DUS4L: variants seen among roughly 807,000 people sequenced by gnomAD.
DUS4L encodes the protein tRNA-dihydrouridine(20a/20b) synthase [NAD(P)+]-like.
A neutral mutation model predicts 33.8 loss-of-function variants in DUS4L; 31 were observed. That is an observed-to-expected ratio of 0.92 (90% CI 0.69 to 1.24). DUS4L has a LOEUF of 1.24. Ranked by LOEUF, DUS4L falls within the 50% of genes most tolerant of loss-of-function variation. DUS4L has a pLI of 0.00. For missense variants in DUS4L, 368 were observed against 388.6 expected (o/e 0.95, Z 0.45); for synonymous variants, 103 against 120.3 (o/e 0.86, Z 0.94).
chr7:107,577,493 G>C lies in DUS4L; in HGVS notation c.887G>C (p.Arg296Thr), dbSNP rs1299310324. The change falls in exon 8 of 8, where the codon AGG becomes ACG. Residue 296 changes from arginine (R) to threonine (T), a missense_variant. Coordinates refer to ENST00000265720, the MANE Select transcript of DUS4L (RefSeq NM_181581.3). ...MEKITSRQEK[R>T]VFNALSSTSA... is the part of the protein sequence containing the mutation. ...AAGATAACTTCAAGGCAGGAAAAAA[G>C]GGTATTTAATGCTCTGTCAAGCACA... is the stretch of plus-strand genomic sequence containing the variant. 2 of 1,614,008 alleles carry C rather than the reference G, an allele frequency of 1.2e-6. No individual in the cohort carries two copies. The highest frequency in any genetic ancestry group is 3.3e-5 in the Admixed American group (2 of 60,004).
Position 107,571,148 on chromosome 7 carries a change from G to A in DUS4L, c.120G>A (p.Leu40=). ...TTAAGGTTTTATATGCTCACAGGTT[G>A]GCTTTTAGGACACTAGTAAGAAAAT... ...VCAPMVRYSK[L]AFRTLVRKYS... Residue 40 remains leucine (L), a synonymous_variant, in exon 4 of 8, where the codon TTG becomes TTA. Transcript: ENST00000265720. The A allele has an allele frequency of 6.2e-7, 1 of 1,613,552 alleles. No individual in the cohort carries two copies. Among genetic ancestry groups the A allele is most frequent in the South Asian group, 1.1e-5 (1 of 90,946 alleles).
chr7:107,571,175 T>C lies in DUS4L; in HGVS notation c.147T>C (p.Tyr49=), dbSNP rs1187287553. 1.2e-6 allele frequency: 2 copies of C among 1,613,446 alleles called. No homozygotes were observed. Among genetic ancestry groups the C allele is most frequent in the Non-Finnish European group, 8.5e-7 (1 of 1,179,862 alleles). Residue 49 remains tyrosine (Y), a synonymous_variant, in exon 4 of 8, where the codon TAT becomes TAC. Coordinates refer to ENST00000265720, the MANE Select transcript of DUS4L (RefSeq NM_181581.3). ...CTTTTAGGACACTAGTAAGAAAATA[T>C]AGTTGTGATCTGTGTTACACACCAA... ...KLAFRTLVRK[Y]SCDLCYTPMI... is the part of the protein sequence containing the mutation.
In DUS4L at chr7:107,577,594, T is replaced by G; in HGVS notation, c.*34T>G. The G allele has an allele frequency of 6.3e-7, 1 of 1,588,604 alleles. No individual in the cohort carries two copies. The highest frequency in any genetic ancestry group is 8.6e-7 in the Non-Finnish European group (1 of 1,166,450). On this transcript the variant is annotated 3_prime_UTR_variant, in exon 8 of 8. Transcript: ENST00000265720. The stretch of plus-strand genomic sequence containing the variant: ...CCCAAATAATTTTAATATATACTTT[T>G]AGACCCACAGTGAAACCACAGAAGG...
chr7:107,573,862 G>A (rs1293891082), intron 5 of DUS4L, 41 bp downstream of exon 5: 1 of 1,442,464 alleles, frequency 6.9e-7, no homozygotes, highest in Non-Finnish European at 9.2e-7. Flanking sequence ...CAAAAGAGTA[G>A]AAAAAAAACT....
In DUS4L at chr7:107,573,750, TTTATC is replaced by T; in HGVS notation, c.287_291del (p.Leu96Ter). The T allele has an allele frequency of 6.2e-7, 1 of 1,611,640 alleles. No individual in the cohort carries two copies. The highest frequency in any genetic ancestry group is 8.5e-7 in the Non-Finnish European group (1 of 1,179,004). ...AGTTTGCTGCTAACGATGCAAGACT[TTTATC>T]TGATGCTGCTCGTATAGTCTGTCCT... On this transcript the variant is annotated frameshift_variant, in exon 5 of 8. Transcript: ENST00000265720. LOFTEE classifies it high-confidence loss of function.
intron 4 of DUS4L, among the ~76,000 whole-genome samples, chr7:107,572,025 T>C (rs1805284155): frequency 6.6e-6 from 1 of 152,078 alleles, no homozygotes; most frequent in Non-Finnish European, 1.5e-5. Context: ...ATCTTTTTTT[T>C]TTTTTTTGAT....
chr7:107,573,748 CT>C lies in DUS4L; in HGVS notation c.287del (p.Leu96TyrfsTer7). On this transcript the variant is annotated frameshift_variant, in exon 5 of 8. Coordinates refer to ENST00000265720, the MANE Select transcript of DUS4L (RefSeq NM_181581.3). LOFTEE classifies it high-confidence loss of function. ...TCAGTTTGCTGCTAACGATGCAAGACTTTTATCTGATGCTGCTCGTATAGTC... is the reference window on the plus strand; with the variant it reads ...TCAGTTTGCTGCTAACGATGCAAGACTTTATCTGATGCTGCTCGTATAGTC... ...IVQFAANDAR[L>X]LSDAARIVCP... 6.2e-7 allele frequency: 1 copy of C among 1,611,252 alleles called. No homozygotes were observed. Among genetic ancestry groups the C allele is most frequent in the Non-Finnish European group, 8.5e-7 (1 of 1,178,858 alleles).
Position 107,577,523 on chromosome 7 carries a change from C to T in DUS4L, c.917C>T (p.Ala306Val). 1.2e-6 allele frequency: 2 copies of T among 1,614,042 alleles called. No individual in the cohort carries two copies. The highest frequency in any genetic ancestry group is 1.7e-6 in the Non-Finnish European group (2 of 1,179,982). ...RVFNALSSTS[A>V]IIDYLTDHYG... The stretch of plus-strand genomic sequence containing the variant: ...TTTAATGCTCTGTCAAGCACATCAG[C>T]AATCATAGATTACCTTACAGACCAT... The change falls in exon 8 of 8, where the codon GCA (alanine) becomes GTA (valine). Residue 306 changes from alanine (A) to valine (V), a missense_variant. Transcript: ENST00000265720.
chr7:107,576,857 C>T (rs1273656863), intron 7 of DUS4L: 2 of 356,854 alleles, frequency 5.6e-6, no homozygotes, highest in South Asian at 5.6e-5. Context: ...AGATAGCCTA[C>T]TAGTAAAATA....
At chr7:107,572,987 C>A (rs920000941) in intron 4 of DUS4L, among the ~76,000 whole-genome samples, 1 of 151,766 alleles carries the variant, frequency 6.6e-6, no homozygotes, top group Non-Finnish European at 1.5e-5. Context: ...AAAAGAACAA[C>A]TAATGGAAAA....
At chr7:107,567,271 C>A in intron 3 of DUS4L, 85 bp downstream of exon 3, 1 of 1,101,686 alleles carries the variant, frequency 9.1e-7, no homozygotes, top group Non-Finnish European at 1.3e-6. Context: ...AGACCACCCA[C>A]CATATGGGAA....
Position 107,576,523 on chromosome 7 carries a change from G to A in DUS4L, c.637G>A (p.Val213Ile), listed in dbSNP as rs754797451. The change falls in exon 7 of 8, where the codon GTA becomes ATA. Residue 213 changes from valine (V) to isoleucine (I), a missense_variant. Val to Ile is a conservative substitution (Grantham distance 29). Coordinates refer to ENST00000265720, the MANE Select transcript of DUS4L (RefSeq NM_181581.3). ...AATTAAGGAAAATATGTCTATACCTGTAATTGCTAATGGAGACATCAGAAG... is the reference window on the plus strand; with the variant it reads ...AATTAAGGAAAATATGTCTATACCTATAATTGCTAATGGAGACATCAGAAG... ...KIIKENMSIP[V>I]IANGDIRSLK... The A allele has an allele frequency of 6.2e-7, 1 of 1,607,142 alleles. No individual in the cohort carries two copies. Among genetic ancestry groups the A allele is most frequent in the Non-Finnish European group, 8.5e-7 (1 of 1,177,798 alleles).
At chr7:107,567,791 C>G (rs984123100) in intron 3 of DUS4L, 2 of 452,282 alleles carry the variant, frequency 4.4e-6, no homozygotes, top group South Asian at 3.2e-5. Context: ...TGTGACTCCC[C>G]ATTCCACTGT....
At chr7:107,573,077 T>G (rs79880698) in intron 4 of DUS4L, among the ~76,000 whole-genome samples, 1 of 152,218 alleles carries the variant, frequency 6.6e-6, no homozygotes, top group African/African-American at 2.4e-5. Context: ...CACTGTATGA[T>G]AAGTTGTGAG....
chr7:107,576,323 A>G (rs1468118653), intron 6 of DUS4L, 43 bp from the exon 7 acceptor site: 1 of 1,559,596 alleles, frequency 6.4e-7, no homozygotes, highest in African/African-American at 1.4e-5. Context: ...TAGCATTAAG[A>G]TTTGTGTGCT....
At chr7:107,575,095 G>A (rs770027139) in intron 5 of DUS4L, 93 bp from the exon 6 acceptor site, 1 of 1,536,026 alleles carries the variant, frequency 6.5e-7, no homozygotes, top group Admixed American at 1.8e-5. Context: ...GATCACTAGA[G>A]AAATGGATGC....
chr7:107,564,028 G>T lies in DUS4L; in HGVS notation c.-292G>T, dbSNP rs572726434. On this transcript the variant is annotated 5_prime_UTR_variant, in exon 1 of 8. Coordinates refer to ENST00000265720, the MANE Select transcript of DUS4L (RefSeq NM_181581.3). ...CCTGGCGAACTGACTCTCAGCCCGC[G>T]CCTGGGCTAAGCCTGGCTAGGAGCC... 3 of 1,350,092 alleles carry T rather than the reference G, an allele frequency of 2.2e-6. No homozygotes were observed. Among genetic ancestry groups the T allele is most frequent in the Non-Finnish European group, 2.9e-6 (3 of 1,024,540 alleles). 83.6% of individuals were successfully genotyped at this position (1,350,092 alleles called of 1,614,324 possible). A position where few individuals can be genotyped will look rare whatever the true frequency, so the allele number is the denominator to read the frequency against.
rs1805186615 is a variant in DUS4L at position 107,571,062 on chromosome 7, T to G, written c.117-83T>G. ...TCCTCCATCTCCCCATAGGTAGAAC[T>G]TTCTCTGATAAATATTTAACAATGC... On this transcript the variant is annotated intron_variant, in intron 3 of 7. Transcript: ENST00000265720. The G allele has an allele frequency of 1.8e-5, 28 of 1,575,100 alleles. No homozygotes were observed. In the South Asian group the frequency reaches 3.0e-4, roughly 17 times the overall value.
intron 4 of DUS4L, among the ~76,000 whole-genome samples, chr7:107,572,386 GA>G (rs1400873168): frequency 1.3e-5 from 2 of 152,160 alleles, no homozygotes; most frequent in African/African-American, 4.8e-5. Context: ...GTGCAACTAG[GA>G]TGATGCCCAC....
Sources: allele counts gnomAD v4.1 joint callset (sites outside exome capture counted in the v4.1 genomes callset), GRCh38; gene constraint gnomAD v4.1.1; transcripts MANE v1.5; gene names NCBI Gene and HGNC (gene_info 2026-07-23, HGNC 2026-07-21).